Variants in SLC22A23 observed in about 807,000 individuals in gnomAD.
SLC22A23 encodes the protein solute carrier family 22 member 23.
A neutral mutation model predicts 61.0 loss-of-function variants in SLC22A23; 26 were observed. The observed-to-expected ratio is 0.43, with a 90% CI of 0.31 to 0.59. The LOEUF (loss-of-function observed/expected upper bound fraction) is 0.59, where lower values mean the gene tolerates loss of function less well. Ranked by LOEUF, SLC22A23 falls within the 20% of genes least tolerant of loss-of-function variation. The probability of loss-of-function intolerance (pLI) is 0.11; values close to 1 mark genes in which losing one functional copy is unlikely to be tolerated. For missense variants in SLC22A23, 796 were observed against 934.7 expected, an observed-to-expected ratio of 0.85 and a Z score of 1.94; for synonymous variants, 430 against 413.9, an observed-to-expected ratio of 1.04 and a Z score of -0.47.
At chr6:3,335,322 C>A (rs1328394703) in intron 3 of SLC22A23, among the ~76,000 whole-genome samples, 2 of 152,166 alleles carry the variant, frequency 1.3e-5, no homozygotes, top group Non-Finnish European at 2.9e-5. Flanking sequence ...TGCTCTGGTG[C>A]CATCTTGTTC....
intron 3 of SLC22A23, among the ~76,000 whole-genome samples, chr6:3,339,531 T>G (rs1220304485): frequency 1.3e-5 from 2 of 152,022 alleles, no homozygotes; most frequent in African/African-American, 2.4e-5. Flanking sequence ...GCATTCTAAG[T>G]CACAGGATGA....
At chr6:3,284,027 G>C in intron 8 of SLC22A23, 52 bp from the exon 9 acceptor site, 4 of 1,556,298 alleles carry the variant, frequency 2.6e-6, no homozygotes, top group Non-Finnish European at 3.5e-6. Context: ...GCCAGGCCAG[G>C]GTGGGAGGGA....
At chr6:3,280,699 G>A (rs1012830460) in intron 9 of SLC22A23, among the ~76,000 whole-genome samples, 8 of 151,920 alleles carry the variant, frequency 5.3e-5, no homozygotes, top group South Asian at 2.1e-4. Context: ...GGGTTTCATC[G>A]TGTTAGCCAG....
intron 3 of SLC22A23, among the ~76,000 whole-genome samples, chr6:3,326,518 CA>C (rs1235474225): frequency 6.6e-6 from 1 of 152,202 alleles, no homozygotes; most frequent in Non-Finnish European, 1.5e-5. Context: ...GCCTCACAGA[CA>C]TATCGGTGGG....
In SLC22A23 at chr6:3,286,054, C is replaced by T. The variant is rs1365893050; in HGVS notation, c.1546+805G>A. ...GGGTATTTGTTGGTGAGGAGCTATA[C>T]AGAGCTTGCTGGAAGGGCCAGATGG... On this transcript the variant is annotated intron_variant, in intron 7 of 9. Coordinates refer to ENST00000406686, the MANE Select transcript of SLC22A23 (RefSeq NM_015482.2). This position sits in a 1 kb window ranked among gnomAD's most constrained non-coding sequence, Gnocchi z 4.2. 6.6e-6 allele frequency among the ~76,000 whole-genome samples: 1 copy of T among 151,680 alleles called. No individual in the cohort carries two copies. Among genetic ancestry groups the T allele is most frequent in the Non-Finnish European group, 1.5e-5 (1 of 67,976 alleles).
At chr6:3,448,882 T>C (rs145126358) in intron 1 of SLC22A23, among the ~76,000 whole-genome samples, 88 of 152,112 alleles carry the variant, frequency 5.8e-4, no homozygotes, top group Non-Finnish European at 1.1e-3. Flanking sequence ...AAAATGTTGC[T>C]ACAGAGAGGC....
Position 3,410,901 on chromosome 6 carries a change from C to T in SLC22A23, c.759-559G>A, listed in dbSNP as rs961483743. On this transcript the variant is annotated intron_variant, in intron 2 of 9. Transcript: ENST00000406686. This position sits in a 1 kb window ranked among gnomAD's most constrained non-coding sequence, Gnocchi z 5.0. ...CGACGAGAAGTAATTTTTAAGGGATCACACACTAAGGTAAGACAGCGTGAA... is the reference window on the plus strand; with the variant it reads ...CGACGAGAAGTAATTTTTAAGGGATTACACACTAAGGTAAGACAGCGTGAA... 2.0e-5 allele frequency among the ~76,000 whole-genome samples: 3 copies of T among 152,302 alleles called. No homozygotes were observed. The highest frequency in any genetic ancestry group is 2.1e-4 in the South Asian group (1 of 4,822).
intron 4 of SLC22A23, among the ~76,000 whole-genome samples, chr6:3,301,866 T>TGACA (rs2127362938): frequency 6.6e-6 from 1 of 152,300 alleles, no homozygotes; most frequent in African/African-American, 2.4e-5. Flanking sequence ...GGATAGGAGG[T>TGACA]GACAGCCCAG....
At chr6:3,283,169 C>T (rs1472216564) in intron 9 of SLC22A23, among the ~76,000 whole-genome samples, 4 of 152,160 alleles carry the variant, frequency 2.6e-5, no homozygotes, top group East Asian at 1.9e-4. Flanking sequence ...CGGTGGTTCA[C>T]GCCTGTAATC....
intron 3 of SLC22A23, among the ~76,000 whole-genome samples, chr6:3,398,883 G>T (rs1198133837): frequency 6.6e-6 from 1 of 152,054 alleles, no homozygotes; most frequent in Non-Finnish European, 1.5e-5. Context: ...TTAAAAAGTA[G>T]CCAGGCACGG....
intron 4 of SLC22A23, among the ~76,000 whole-genome samples, chr6:3,305,483 A>C (rs1017222045): frequency 6.6e-6 from 1 of 152,224 alleles, no homozygotes; most frequent in Non-Finnish European, 1.5e-5. Flanking sequence ...AATTTGCTGC[A>C]AAATCATGAA....
intron 3 of SLC22A23, among the ~76,000 whole-genome samples, chr6:3,368,400 C>T (rs1263212422): frequency 6.6e-6 from 1 of 152,162 alleles, no homozygotes; most frequent in Non-Finnish European, 1.5e-5. Flanking sequence ...AAACTCTATG[C>T]ATGTGTGCAT....
chr6:3,301,757 C>G (rs1191956316), intron 4 of SLC22A23, among the ~76,000 whole-genome samples: 1 of 152,236 alleles, frequency 6.6e-6, no homozygotes, highest in Non-Finnish European at 1.5e-5. Context: ...TTCATTGCCC[C>G]AGCAATCTCA....
intron 1 of SLC22A23, among the ~76,000 whole-genome samples, chr6:3,423,658 A>G (rs1770294821): frequency 6.6e-6 from 1 of 152,234 alleles, no homozygotes; most frequent in South Asian, 2.1e-4. Flanking sequence ...ATCAAAAGGG[A>G]GCAGCTATTA....
chr6:3,269,871 C>T lies in SLC22A23; in HGVS notation c.*3184G>A, dbSNP rs3813486. On this transcript the variant is annotated 3_prime_UTR_variant, in exon 10 of 10. Transcript: ENST00000406686. The stretch of plus-strand genomic sequence containing the variant: ...GGATTGCTCATTTGGCTCTAGGAAG[C>T]GGTGGTGTCTGAGTGTGATACTTCC... 130,767 of 152,870 alleles carry T rather than the reference C, an allele frequency of 0.86. 56,103 individuals carry two copies. The highest frequency in any genetic ancestry group is 0.87 in the Non-Finnish European group (59,055 of 68,042). 9.5% of individuals were successfully genotyped at this position (152,870 alleles called of 1,614,324 possible).
chr6:3,415,468 C>T (rs1035067718), intron 2 of SLC22A23, among the ~76,000 whole-genome samples: 1 of 152,242 alleles, frequency 6.6e-6, no homozygotes, highest in Non-Finnish European at 1.5e-5. Context: ...CAAGCTCTTT[C>T]TAATGAAACG....
chr6:3,411,884 G>C (rs556451230), intron 2 of SLC22A23, among the ~76,000 whole-genome samples: 1 of 152,214 alleles, frequency 6.6e-6, no homozygotes, highest in Non-Finnish European at 1.5e-5. Flanking sequence ...AGCAAAGACT[G>C]TGTAGCTGAT....
At chr6:3,373,036 T>C (rs997428822) in intron 3 of SLC22A23, among the ~76,000 whole-genome samples, 1 of 152,100 alleles carries the variant, frequency 6.6e-6, no homozygotes, top group Non-Finnish European at 1.5e-5. Context: ...ATCTGGGAAG[T>C]TGGATTCCGA....
intron 3 of SLC22A23, among the ~76,000 whole-genome samples, chr6:3,340,585 G>A (rs146116674): frequency 1.3e-5 from 2 of 152,218 alleles, no homozygotes; most frequent in Non-Finnish European, 2.9e-5. Flanking sequence ...ACCACAGTAT[G>A]AGGAGCTTTG....
Sources: gnomAD v4.1 joint callset for allele counts (sites outside exome capture counted in the v4.1 genomes callset) on GRCh38, gnomAD v4.1.1 for gene constraint, Gnocchi (gnomAD v3.1) non-coding constraint, MANE v1.5 for transcripts, NCBI Gene and HGNC (gene_info 2026-07-23, HGNC 2026-07-21) for gene names.